The following BIN2 variants were observed in gnomAD, a reference collection of about 807,000 sequenced individuals.
BIN2 encodes bridging integrator 2.
In BIN2, 43 loss-of-function variants were observed where a neutral mutation model predicts 67.9. The ratio of observed to expected loss-of-function variants is 0.63; its 90% CI spans 0.50 to 0.82. The LOEUF (loss-of-function observed/expected upper bound fraction) is 0.82, where lower values mean the gene tolerates loss of function less well. Among genes scored for constraint, BIN2 ranks in the 40% least tolerant of loss-of-function variants. The probability of loss-of-function intolerance (pLI) is 0.00; values close to 1 mark genes in which losing one functional copy is unlikely to be tolerated. For missense variants in BIN2, 581 were observed against 671.6 expected (o/e 0.87, Z 1.49); for synonymous variants, 244 against 246.8 (o/e 0.99, Z 0.11).
chr12:51,296,986 G>T, intron 8 of BIN2, 103 bp downstream of exon 8: 1 of 1,068,832 alleles, frequency 9.4e-7, no homozygotes, highest in Non-Finnish European at 1.4e-6. Flanking sequence ...GCCAAAATCT[G>T]TGGTGCCAAT....
chr12:51,284,747 T>C lies in BIN2; in HGVS notation c.1637A>G (p.Asn546Ser), dbSNP rs758258873. ...QLQVSMVPEN[N>S]NLTAPEPQEE... ...TTGAGGTTCAGGTGCTGTGAGGTTG[T>C]TGTTTTCTGGTACCATGGAGACTTG... The change falls in exon 12 of 13, where the codon AAC becomes AGC. Residue 546 changes from asparagine to serine, a missense_variant. Transcript: ENST00000615107. 1.2e-6 allele frequency: 2 copies of C among 1,613,476 alleles called. No homozygotes were observed. Among genetic ancestry groups the C allele is most frequent in the South Asian group, 2.2e-5 (2 of 91,084 alleles).
At chr12:51,300,910 T>A (rs541145251) in intron 5 of BIN2, among the ~76,000 whole-genome samples, 109 of 152,268 alleles carry the variant, frequency 7.2e-4, no homozygotes, top group Non-Finnish European at 1.4e-3. Context: ...GCACGGTGCT[T>A]GACAGAGTAG....
intron 1 of BIN2, among the ~76,000 whole-genome samples, chr12:51,323,530 A>AG (rs1386174521): frequency 6.6e-6 from 1 of 151,390 alleles, no homozygotes; most frequent in Non-Finnish European, 1.5e-5. Flanking sequence ...AGGGTCAGGT[A>AG]GGGGGAGAAC....
intron 1 of BIN2, among the ~76,000 whole-genome samples, chr12:51,314,760 T>C (rs1946079240): frequency 6.6e-6 from 1 of 150,820 alleles, no homozygotes; most frequent in African/African-American, 2.4e-5. Flanking sequence ...GATCGCACCA[T>C]TGTACTCCAG....
chr12:51,319,606 G>A (rs1292926492), intron 1 of BIN2, among the ~76,000 whole-genome samples: 1 of 152,134 alleles, frequency 6.6e-6, no homozygotes, highest in Non-Finnish European at 1.5e-5. Context: ...AGCTAAATTA[G>A]AATATAGATA....
Position 51,289,040 on chromosome 12 carries a change from G to GC in BIN2, c.1516-853dup, listed in dbSNP as rs1945318660. 3.9e-5 allele frequency among the ~76,000 whole-genome samples: 6 copies of GC among 152,090 alleles called. No homozygotes were observed. The South Asian group carries it at 1.2e-3, about 32-fold the overall frequency. On this transcript the variant is annotated intron_variant, in intron 10 of 12. Coordinates refer to ENST00000615107, the MANE Select transcript of BIN2 (RefSeq NM_016293.4). ...TGGGATTACAGGCGTGAGCCACTGC[G>GC]CCCGGCCCTTAGCTCTTAACATCAA...
intron 1 of BIN2, among the ~76,000 whole-genome samples, chr12:51,319,268 G>A (rs1008465971): frequency 1.4e-4 from 22 of 152,188 alleles, no homozygotes; most frequent in African/African-American, 3.9e-4. Context: ...GTGTGGGGTC[G>A]GGGGTTGGGG....
At chr12:51,324,488 G>T (rs1368622431), upstream of BIN2, 5 of 1,526,742 alleles carry the variant, frequency 3.3e-6, no homozygotes, top group South Asian at 3.6e-5. Flanking sequence ...AAATGATGTG[G>T]GTTCCACTCA....
chr12:51,299,128 T>C, intron 7 of BIN2, 75 bp downstream of exon 7: 2 of 1,098,100 alleles, frequency 1.8e-6, no homozygotes, highest in Non-Finnish European at 2.7e-6. Flanking sequence ...TAAAACACTT[T>C]TATCTACTTA....
chr12:51,324,152 T>A lies in BIN2; in HGVS notation c.-50A>T, dbSNP rs767228569. 4 of 1,605,612 alleles carry A rather than the reference T, an allele frequency of 2.5e-6. No individual in the cohort carries two copies. Among genetic ancestry groups the A allele is most frequent in the Non-Finnish European group, 3.4e-6 (4 of 1,176,422 alleles). ...GCCCTGGCCCCGCGCCCTGTGGTTT[T>A]CTGAGGCCCCCGAGGAGGAAGTGCG... is the stretch of plus-strand genomic sequence containing the variant. On this transcript the variant is annotated 5_prime_UTR_variant, in exon 1 of 13. Coordinates refer to ENST00000615107, the MANE Select transcript of BIN2 (RefSeq NM_016293.4).
intron 12 of BIN2, among the ~76,000 whole-genome samples, chr12:51,282,977 G>A (rs184377393): frequency 1.1e-4 from 17 of 151,464 alleles, no homozygotes; most frequent in East Asian, 9.7e-4. Flanking sequence ...GGCCAGGTGC[G>A]TTGGCTCACA....
At chr12:51,321,948 G>A (rs976172508) in intron 1 of BIN2, among the ~76,000 whole-genome samples, 2 of 152,140 alleles carry the variant, frequency 1.3e-5, no homozygotes, top group African/African-American at 2.4e-5. Flanking sequence ...GCTCCCTTCC[G>A]GCATCCCAGG....
intron 7 of BIN2, among the ~76,000 whole-genome samples, chr12:51,298,738 G>A (rs532441305): frequency 4.3e-4 from 66 of 152,064 alleles, no homozygotes; most frequent in Non-Finnish European, 7.5e-4. Context: ...AAGAAAAAAG[G>A]ATACAAATGG....
chr12:51,287,893 C>T (rs567723535), intron 11 of BIN2, among the ~76,000 whole-genome samples: 2 of 152,084 alleles, frequency 1.3e-5, no homozygotes, highest in South Asian at 4.2e-4. Flanking sequence ...CCTGGGAATC[C>T]GCCCGCCTCT....
At chr12:51,290,202 G>A (rs117335549) in intron 10 of BIN2, among the ~76,000 whole-genome samples, 5,672 of 151,472 alleles carry the variant, frequency 0.037, 121 homozygotes, top group East Asian at 0.099. Flanking sequence ...TTACTGCAAC[G>A]TCTGCCTCCT....
rs372075302 is a variant in BIN2, at chr12:51,304,996, C to T, written c.163-1855G>A. ...TCACGCCACCGTACTCCAGGCTGGGCGACAGAGCCAGACTCCGTCTCAAAA... is the reference window on the plus strand; with the variant it reads ...TCACGCCACCGTACTCCAGGCTGGGTGACAGAGCCAGACTCCGTCTCAAAA... On this transcript the variant is annotated intron_variant, in intron 2 of 12. Coordinates refer to ENST00000615107, the MANE Select transcript of BIN2 (RefSeq NM_016293.4). 5.8e-4 allele frequency among the ~76,000 whole-genome samples: 87 copies of T among 149,486 alleles called. No homozygotes were observed. In the Middle Eastern group the frequency reaches 0.019, roughly 32 times the overall value.
upstream of BIN2, chr12:51,324,329 G>A (rs1276959711): frequency 2.3e-6 from 3 of 1,330,532 alleles, no homozygotes; most frequent in East Asian, 2.7e-5. Context: ...GGCAGCGCTC[G>A]CTCGAGGCCA....
At chr12:51,287,460 G>A (rs1945266887) in intron 11 of BIN2, among the ~76,000 whole-genome samples, 1 of 151,808 alleles carries the variant, frequency 6.6e-6, no homozygotes. Context: ...AGCCTCCTCA[G>A]TAGCTGGGAT....
chr12:51,324,527 G>T (rs1946381383), upstream of BIN2: 1 of 1,531,062 alleles, frequency 6.5e-7, no homozygotes, highest in Non-Finnish European at 8.7e-7. Flanking sequence ...TCGAAAACAC[G>T]TTTAGGTTCT....
Sources: gnomAD v4.1 joint callset for allele counts (sites outside exome capture counted in the v4.1 genomes callset) on GRCh38, gnomAD v4.1.1 for gene constraint, MANE v1.5 for transcripts, NCBI Gene and HGNC (gene_info 2026-07-23, HGNC 2026-07-21) for gene names.